Variants in MPDZ observed in about 807,000 individuals in gnomAD.
MPDZ encodes the protein multiple PDZ domain crumbs cell polarity complex component.
In MPDZ, 234 loss-of-function variants were observed where a neutral mutation model predicts 239.1. That is an observed-to-expected ratio of 0.98 (90% CI 0.88 to 1.09). The LOEUF is 1.09. Ranked by LOEUF, MPDZ falls within the 50% of genes least tolerant of loss-of-function variation. The pLI, the probability that MPDZ is intolerant of heterozygous loss-of-function variation, is 0.00. For synonymous variants in MPDZ, 1,048 were observed against 881.3 expected (o/e 1.19, Z -3.35); for missense variants, 3,175 against 2,510.0 (o/e 1.26, Z -5.66).
At chr9:13,216,305 T>C (rs1958330182) in intron 10 of MPDZ, among the ~76,000 whole-genome samples, 1 of 151,356 alleles carries the variant, frequency 6.6e-6, no homozygotes, top group African/African-American at 2.4e-5. Flanking sequence ...AGGTTTTTTT[T>C]TTTTCATTCT....
At chr9:13,245,912 C>T (rs570927631) in intron 3 of MPDZ, among the ~76,000 whole-genome samples, 17 of 152,272 alleles carry the variant, frequency 1.1e-4, no homozygotes, top group South Asian at 4.1e-4. Context: ...CTGTCTACAA[C>T]GGAAATTTCA....
At chr9:13,194,369 A>G (rs966740391) in intron 13 of MPDZ, among the ~76,000 whole-genome samples, 7 of 152,134 alleles carry the variant, frequency 4.6e-5, no homozygotes, top group African/African-American at 1.7e-4. Context: ...CACAGCCATA[A>G]AAAAGAATTA....
chr9:13,110,791 G>T, intron 43 of MPDZ, 51 bp from the exon 44 acceptor site: 2 of 1,315,372 alleles, frequency 1.5e-6, no homozygotes, highest in Non-Finnish European at 2.2e-6. Context: ...CATGGAGAGT[G>T]GGTCTTTGAG....
At position 13,190,305 on chromosome 9, in the gene MPDZ, T is replaced by A; in HGVS notation, c.1969-6A>T. The A allele has an allele frequency of 6.5e-7, 1 of 1,548,512 alleles. No individual in the cohort carries two copies. Among genetic ancestry groups the A allele is most frequent in the Non-Finnish European group, 8.7e-7 (1 of 1,149,254 alleles). On this transcript the variant is annotated splice_polypyrimidine_tract_variant and splice_region_variant and intron_variant, in intron 15 of 46. Transcript: ENST00000319217. ...TCACCTAGATCTACGTGAGGCTGGA[T>A]AATATCAGACAGCTCTTATTTCAGA...
rs115729584 is a variant in MPDZ, at chr9:13,217,144, G to T, written c.1201+36C>A. 1.7e-3 allele frequency: 2,247 copies of T among 1,293,660 alleles called. 30 individuals carry two copies. In the African/African-American group the frequency reaches 0.03, roughly 17 times the overall value. 80.1% of individuals were successfully genotyped at this position (1,293,660 alleles called of 1,614,324 possible). A position where few individuals can be genotyped will look rare whatever the true frequency, so the allele number is the denominator to read the frequency against. On this transcript the variant is annotated intron_variant, in intron 9 of 46. Transcript: ENST00000319217. Reference sequence around the variant, plus strand: ...TAAGAGATAGATATCAGAGGTAATTGTCAAGTTTAAAAGAATACTTAATGT... The same window carrying T: ...TAAGAGATAGATATCAGAGGTAATTTTCAAGTTTAAAAGAATACTTAATGT...
chr9:13,253,696 A>T (rs10960983), intron 1 of MPDZ, among the ~76,000 whole-genome samples: 13,413 of 152,238 alleles, frequency 0.088, 793 homozygotes, highest in South Asian at 0.17. Flanking sequence ...GTTCTGAGGA[A>T]TTTTCTTTCT....
At chr9:13,141,570 T>C (rs908188624) in intron 27 of MPDZ, among the ~76,000 whole-genome samples, 1 of 152,202 alleles carries the variant, frequency 6.6e-6, no homozygotes, top group Non-Finnish European at 1.5e-5. Flanking sequence ...TGTTTTATTA[T>C]ATATGTTTAT....
intron 24 of MPDZ, among the ~76,000 whole-genome samples, chr9:13,152,485 CTCTCT>C: frequency 6.6e-6 from 1 of 152,216 alleles, no homozygotes; most frequent in East Asian, 1.9e-4. Context: ...CCAGTACAAG[CTCTCT>C]TCTCTTGTCT....
At chr9:13,149,256 CA>C (rs534969393) in intron 25 of MPDZ, among the ~76,000 whole-genome samples, 318 of 152,074 alleles carry the variant, frequency 2.1e-3, no homozygotes, top group African/African-American at 7.5e-3. Context: ...CTAAGGCTCT[CA>C]AAGACAGCCA....
chr9:13,119,414 C>A lies in MPDZ; in HGVS notation c.5379+88G>T. On this transcript the variant is annotated intron_variant, in intron 39 of 46. Coordinates refer to ENST00000319217, the MANE Select transcript of MPDZ (RefSeq NM_001378778.1). ...GGTGACACTTTAAATAAAGAGAAGTCATTACTAATTTGACTATGATAGCCC... is the reference window on the plus strand; with the variant it reads ...GGTGACACTTTAAATAAAGAGAAGTAATTACTAATTTGACTATGATAGCCC... 4 of 1,444,252 alleles carry A rather than the reference C, an allele frequency of 2.8e-6. No homozygotes were observed. In the South Asian group the frequency reaches 5.5e-5, roughly 20 times the overall value. The allele number at this position is 1,444,252 out of a possible 1,614,324, so 89.5% of individuals were successfully genotyped here.
chr9:13,217,074 G>C, intron 9 of MPDZ, 106 bp downstream of exon 9: 1 of 913,592 alleles, frequency 1.1e-6, no homozygotes, highest in Non-Finnish European at 1.6e-6. Context: ...TTTTCAACCA[G>C]TTTATCCAAC....
At chr9:13,161,923 C>T (rs572425014) in intron 23 of MPDZ, among the ~76,000 whole-genome samples, 9 of 152,160 alleles carry the variant, frequency 5.9e-5, no homozygotes, top group Middle Eastern at 3.4e-3. Context: ...TATATGCTAA[C>T]GGGTTCAGCT....
chr9:13,191,198 G>A (rs1175235036), intron 15 of MPDZ, among the ~76,000 whole-genome samples: 1 of 152,050 alleles, frequency 6.6e-6, no homozygotes, highest in East Asian at 1.9e-4. Context: ...TAGACTTTGA[G>A]TGCTATAAAA....
chr9:13,165,777 A>C lies in MPDZ; in HGVS notation c.3254+2589T>G, dbSNP rs138329728. On this transcript the variant is annotated intron_variant, in intron 22 of 46. Transcript: ENST00000319217. ...CACAAAACCCTGGCTATTATTACAGAAATATAAGAGCTCCTGGCAAGGTGG... is the reference window on the plus strand; with the variant it reads ...CACAAAACCCTGGCTATTATTACAGCAATATAAGAGCTCCTGGCAAGGTGG... Among the ~76,000 whole-genome samples, 126 of 152,288 alleles carry C rather than the reference A, an allele frequency of 8.3e-4. No individual in the cohort carries two copies. The East Asian group carries it at 0.022, about 26-fold the overall frequency.
At chr9:13,231,648 G>C (rs1021056453) in intron 3 of MPDZ, among the ~76,000 whole-genome samples, 2 of 151,546 alleles carry the variant, frequency 1.3e-5, no homozygotes, top group African/African-American at 4.8e-5. Flanking sequence ...AACAAGAACA[G>C]GTTTAGAGAG....
intron 12 of MPDZ, among the ~76,000 whole-genome samples, chr9:13,204,528 T>A (rs1587769385): frequency 1.3e-5 from 2 of 152,274 alleles, no homozygotes; most frequent in East Asian, 3.9e-4. Context: ...TTATCTGCAA[T>A]TACCTTCCAA....
At chr9:13,165,533 C>T (rs1950973272) in intron 22 of MPDZ, 5 of 1,092,410 alleles carry the variant, frequency 4.6e-6, no homozygotes, top group Admixed American at 2.4e-5. Context: ...TGTTTTTTTT[C>T]CCCCTTTCCA....
intron 25 of MPDZ, among the ~76,000 whole-genome samples, chr9:13,149,067 C>A (rs1272274551): frequency 6.6e-6 from 1 of 151,698 alleles, no homozygotes; most frequent in Non-Finnish European, 1.5e-5. Flanking sequence ...TAGTGACAAT[C>A]CAAAATTTGA....
chr9:13,212,677 A>T (rs954693188), intron 10 of MPDZ, among the ~76,000 whole-genome samples: 4 of 151,516 alleles, frequency 2.6e-5, no homozygotes, highest in Non-Finnish European at 5.9e-5. Flanking sequence ...TATCTCATGA[A>T]AAGAAGAGAT....
Sources: allele counts gnomAD v4.1 joint callset (sites outside exome capture counted in the v4.1 genomes callset), GRCh38; gene constraint gnomAD v4.1.1; transcripts MANE v1.5; gene names NCBI Gene and HGNC (gene_info 2026-07-23, HGNC 2026-07-21).